SLC35F1: variants seen among roughly 807,000 people sequenced by gnomAD.
The protein encoded by SLC35F1 is chromosome 6 open reading frame 169.
A neutral mutation model predicts 48.7 loss-of-function variants in SLC35F1; 14 were observed. The ratio of observed to expected loss-of-function variants is 0.29; its 90% confidence interval spans 0.19 to 0.45. SLC35F1 has a LOEUF of 0.45. SLC35F1 is among the 20% of genes least tolerant of loss of function. The pLI is 1.00. For missense variants in SLC35F1, 404 were observed against 500.0 expected, an observed-to-expected ratio of 0.81 and a Z score of 1.83; for synonymous variants, 190 against 202.2, an observed-to-expected ratio of 0.94 and a Z score of 0.51.
chr6:118,119,489 C>T (rs1562295624), intron 1 of SLC35F1, among the ~76,000 whole-genome samples: 1 of 23,146 alleles, frequency 4.3e-5, no homozygotes, highest in East Asian at 2.4e-3. Context: ...GCAGTAATAA[C>T]CGGCGCCCCC....
Position 118,136,431 on chromosome 6 carries a change from C to G in SLC35F1, c.174-18014C>G, listed in dbSNP as rs115495355. On this transcript the variant is annotated intron_variant, in intron 1 of 7. Transcript: ENST00000360388. Reference sequence around the variant, plus strand: ...TTTCTATTTGAGATTTTTTTGGTCTCTATGCTAACAAGTATGCCTTAGTAG... The same window carrying G: ...TTTCTATTTGAGATTTTTTTGGTCTGTATGCTAACAAGTATGCCTTAGTAG... Among the ~76,000 whole-genome samples the G allele has an allele frequency of 4.2e-3, 643 of 152,214 alleles. 7 individuals are homozygous for G. Among genetic ancestry groups the G allele is most frequent in the African/African-American group, 0.015 (607 of 41,540 alleles).
chr6:118,207,715 C>T (rs1188498276), intron 2 of SLC35F1, among the ~76,000 whole-genome samples: 1 of 152,198 alleles, frequency 6.6e-6, no homozygotes, highest in Non-Finnish European at 1.5e-5. Flanking sequence ...GCTGAGACCT[C>T]GTCTGACTTC....
At chr6:118,172,202 T>C (rs1276443399) in intron 2 of SLC35F1, among the ~76,000 whole-genome samples, 1 of 151,382 alleles carries the variant, frequency 6.6e-6, no homozygotes, top group Non-Finnish European at 1.5e-5. Flanking sequence ...GAAAGCAGAG[T>C]ATGAGGGATA....
Position 117,978,458 on chromosome 6 carries a change from C to T in SLC35F1, c.173+70559C>T, listed in dbSNP as rs187787362. 3.1e-3 allele frequency among the ~76,000 whole-genome samples: 473 copies of T among 152,306 alleles called. 5 individuals carry two copies. Among genetic ancestry groups the T allele is most frequent in the African/African-American group, 0.011 (459 of 41,564 alleles). On this transcript the variant is annotated intron_variant, in intron 1 of 7. Coordinates refer to ENST00000360388, the MANE Select transcript of SLC35F1 (RefSeq NM_001029858.4). The stretch of plus-strand genomic sequence containing the variant: ...TGGACACCAACACCGTGTCCCTCCC[C>T]TTCCTTACATCTTCATCATAATGAG...
chr6:117,966,609 T>C (rs1042380237), intron 1 of SLC35F1, among the ~76,000 whole-genome samples: 27 of 151,804 alleles, frequency 1.8e-4, no homozygotes, highest in Admixed American at 1.7e-3. Flanking sequence ...CGTGGCTTCA[T>C]TCTTGAAGTC....
intron 1 of SLC35F1, among the ~76,000 whole-genome samples, chr6:118,030,921 T>C (rs1035622048): frequency 1.3e-5 from 2 of 152,172 alleles, no homozygotes; most frequent in African/African-American, 4.8e-5. Context: ...CATAATAATA[T>C]GTAAAACATT....
At chr6:117,909,962 T>G (rs1004833706) in intron 1 of SLC35F1, among the ~76,000 whole-genome samples, 4 of 152,170 alleles carry the variant, frequency 2.6e-5, no homozygotes, top group Admixed American at 1.3e-4. Context: ...GCTAAAACAA[T>G]TATTTATTTA....
chr6:117,954,209 T>A (rs1247073098), intron 1 of SLC35F1, among the ~76,000 whole-genome samples: 2 of 152,178 alleles, frequency 1.3e-5, no homozygotes, highest in African/African-American at 2.4e-5. Context: ...ATCAGTGTAA[T>A]GAACATGGTG....
chr6:117,920,319 TC>T (rs1448666117), intron 1 of SLC35F1, among the ~76,000 whole-genome samples: 2 of 152,088 alleles, frequency 1.3e-5, no homozygotes, highest in Non-Finnish European at 2.9e-5. Flanking sequence ...GGGCGAGTGT[TC>T]CGCGGGGTGT....
In SLC35F1 at chr6:118,225,062, G is replaced by C. The variant is rs573681290; in HGVS notation, c.350-10447G>C. 3.3e-5 allele frequency among the ~76,000 whole-genome samples: 5 copies of C among 152,252 alleles called. No individual in the cohort carries two copies. In the South Asian group the frequency reaches 1.0e-3, roughly 32 times the overall value. Reference sequence around the variant, plus strand: ...AATGAAAGGATATTCCATGCGCATGGGTTGGAAGAATTAACACTGTTAAAA... The same window carrying C: ...AATGAAAGGATATTCCATGCGCATGCGTTGGAAGAATTAACACTGTTAAAA... On this transcript the variant is annotated intron_variant, in intron 2 of 7. Transcript: ENST00000360388.
intron 6 of SLC35F1, among the ~76,000 whole-genome samples, chr6:118,281,198 C>CTATATATA (rs1349203619): frequency 4.6e-4 from 56 of 121,980 alleles, no homozygotes; most frequent in African/African-American, 1.5e-3. Context: ...CTCTCTCTCT[C>CTATATATA]TCTCTCTATA....
chr6:118,129,708 TA>T (rs2114419209), intron 1 of SLC35F1, among the ~76,000 whole-genome samples: 1 of 152,236 alleles, frequency 6.6e-6, no homozygotes, highest in East Asian at 1.9e-4. Context: ...AAATTAAGGA[TA>T]TGAAATGGAA....
intron 1 of SLC35F1, among the ~76,000 whole-genome samples, chr6:117,919,056 G>A (rs930851568): frequency 1.3e-5 from 2 of 151,962 alleles, no homozygotes; most frequent in African/African-American, 4.8e-5. Flanking sequence ...CCACCATGCT[G>A]GGCTAATTTT....
chr6:117,977,635 T>G (rs937547557), intron 1 of SLC35F1, among the ~76,000 whole-genome samples: 1 of 152,144 alleles, frequency 6.6e-6, no homozygotes, highest in African/African-American at 2.4e-5. Context: ...GAGCTCTTAA[T>G]AGTGTAAGAC....
chr6:118,022,372 A>G (rs1263765259), intron 1 of SLC35F1, among the ~76,000 whole-genome samples: 1 of 152,192 alleles, frequency 6.6e-6, no homozygotes, highest in Admixed American at 6.5e-5. Context: ...TAAGATGGTA[A>G]AACTCGGAAA....
At chr6:118,297,366 C>T (rs1420918496) in intron 7 of SLC35F1, among the ~76,000 whole-genome samples, 1 of 151,986 alleles carries the variant, frequency 6.6e-6, no homozygotes, top group African/African-American at 2.4e-5. Context: ...TGTCAAGAGG[C>T]AATACAGCTA....
intron 1 of SLC35F1, among the ~76,000 whole-genome samples, chr6:118,092,918 A>C (rs1773095866): frequency 6.6e-6 from 1 of 152,150 alleles, no homozygotes; most frequent in Non-Finnish European, 1.5e-5. Context: ...CATAGGTGGA[A>C]AGGACTTGCC....
intron 1 of SLC35F1, among the ~76,000 whole-genome samples, chr6:117,917,755 G>GAGTGTGGAATTCTGGGGAGAAGTGA (rs1373512451): frequency 1.3e-5 from 2 of 151,584 alleles, no homozygotes; most frequent in Admixed American, 6.6e-5. Flanking sequence ...GGGAGAAGTC[G>GAGTGTGGAATTCTGGGGAGAAGTGA]GAGTGTGGAA....
At chr6:117,954,746 C>T (rs998448105) in intron 1 of SLC35F1, among the ~76,000 whole-genome samples, 1 of 152,176 alleles carries the variant, frequency 6.6e-6, no homozygotes, top group Non-Finnish European at 1.5e-5. Flanking sequence ...TATGAAGGCT[C>T]ATGATCCAGA....
Sources: gnomAD v4.1 joint callset for allele counts (sites outside exome capture counted in the v4.1 genomes callset) on GRCh38, gnomAD v4.1.1 for gene constraint, MANE v1.5 for transcripts, NCBI Gene and HGNC (gene_info 2026-07-23, HGNC 2026-07-21) for gene names.